DCAF6: variants seen among roughly 807,000 people sequenced by gnomAD.
DCAF6 encodes the protein DDB1- and CUL4-associated factor 6.
A neutral mutation model predicts 125.1 loss-of-function variants in DCAF6; 54 were observed. The observed-to-expected ratio is 0.43, with a 90% CI of 0.35 to 0.54. The LOEUF is 0.54. Among genes scored for constraint, DCAF6 ranks in the 20% least tolerant of loss-of-function variants. The pLI, the probability that DCAF6 is intolerant of heterozygous loss-of-function variation, is 0.01. For missense variants in DCAF6, 934 were observed against 1,161.7 expected (o/e 0.80, Z 2.85); for synonymous variants, 371 against 390.4 (o/e 0.95, Z 0.58).
chr1:167,936,485 A>G, upstream of DCAF6: 1 of 207,868 alleles, frequency 4.8e-6, no homozygotes, highest in Non-Finnish European at 9.8e-6. Flanking sequence ...ATCTGGTTAG[A>G]GTGGCCCGAA....
intron 12 of DCAF6, among the ~76,000 whole-genome samples, chr1:168,026,661 A>T (rs1471547727): frequency 6.6e-6 from 1 of 152,090 alleles, no homozygotes; most frequent in East Asian, 1.9e-4. Context: ...GCCAAGATAG[A>T]GACTTTAGGA....
intron 17 of DCAF6, chr1:168,056,475 AGGCGG>A: frequency 8.7e-7 from 1 of 1,148,206 alleles, no homozygotes; most frequent in Non-Finnish European, 1.1e-6. Flanking sequence ...CCGCGCCGGG[AGGCGG>A]GGCGGGGAGG....
At chr1:168,010,151 T>C (rs994431888) in intron 10 of DCAF6, among the ~76,000 whole-genome samples, 1 of 152,132 alleles carries the variant, frequency 6.6e-6, no homozygotes, top group South Asian at 2.1e-4. Context: ...TTTGGATCCA[T>C]TGTTTGCCTT....
the DCAF6 span, among the ~76,000 whole-genome samples, chr1:167,868,963 C>G: frequency 4.6e-5 from 7 of 152,142 alleles, no homozygotes; most frequent in African/African-American, 1.7e-4. Context: ...TGCTATCTAT[C>G]AAAATAGATT....
intron 3 of DCAF6, among the ~76,000 whole-genome samples, chr1:167,969,004 AATTAT>A (rs1052108447): frequency 7.2e-5 from 11 of 152,136 alleles, no homozygotes; most frequent in African/African-American, 2.4e-4. Context: ...AAAATTTTAA[AATTAT>A]ATTATGATTA....
the DCAF6 span, among the ~76,000 whole-genome samples, chr1:167,923,912 G>A: frequency 1.9e-4 from 29 of 152,236 alleles, no homozygotes; most frequent in African/African-American, 6.0e-4. Context: ...GACCCAAACT[G>A]GCCCTTTCAA....
chr1:168,010,301 T>A (rs983809466), intron 10 of DCAF6, among the ~76,000 whole-genome samples: 3 of 152,210 alleles, frequency 2.0e-5, no homozygotes, highest in Non-Finnish European at 2.9e-5. Flanking sequence ...TTCACTCATG[T>A]ATATATGGGT....
At chr1:168,063,366 C>T (rs184480556) in intron 17 of DCAF6, among the ~76,000 whole-genome samples, 27 of 152,070 alleles carry the variant, frequency 1.8e-4, no homozygotes, top group African/African-American at 5.5e-4. Context: ...ACCAGTTTGC[C>T]GCATGCTATT....
rs144297241 is a variant in DCAF6, at chr1:168,045,374, T to C, written c.2258+147T>C. On this transcript the variant is annotated intron_variant, in intron 16 of 21. Transcript: ENST00000367840. ...ATAAACTTAAAGAAACTTTACAGTTTACTGTAAATGATTTTACGTATTATA... is the reference window on the plus strand; with the variant it reads ...ATAAACTTAAAGAAACTTTACAGTTCACTGTAAATGATTTTACGTATTATA... 6 of 731,682 alleles carry C rather than the reference T, an allele frequency of 8.2e-6. No individual in the cohort carries two copies. In the Admixed American group the frequency reaches 1.8e-4, roughly 22 times the overall value. The allele number at this position is 731,682 out of a possible 1,614,324, so 45.3% of individuals were successfully genotyped here.
intron 12 of DCAF6, among the ~76,000 whole-genome samples, chr1:168,037,342 A>G (rs889149829): frequency 1.3e-5 from 2 of 152,158 alleles, no homozygotes; most frequent in African/African-American, 4.8e-5. Flanking sequence ...TTATTTTTCA[A>G]GAGAAGTTTA....
chr1:167,959,082 A>G (rs1243134412), intron 2 of DCAF6, among the ~76,000 whole-genome samples: 2 of 152,202 alleles, frequency 1.3e-5, no homozygotes, highest in Non-Finnish European at 2.9e-5. Flanking sequence ...ATCTTTTTAT[A>G]GTCTCCATAG....
chr1:167,938,104 A>T (rs888218293), intron 1 of DCAF6, among the ~76,000 whole-genome samples: 1 of 152,186 alleles, frequency 6.6e-6, no homozygotes, highest in Non-Finnish European at 1.5e-5. Context: ...TTTGTTTATA[A>T]AAACTCAATA....
At chr1:167,937,791 G>A (rs563300884) in intron 1 of DCAF6, among the ~76,000 whole-genome samples, 19 of 152,076 alleles carry the variant, frequency 1.2e-4, no homozygotes, top group Non-Finnish European at 2.5e-4. Flanking sequence ...CAACTAAAAA[G>A]TTTGGTTTCT....
rs1018767991 is a variant in DCAF6, at chr1:167,991,074, C to T, written c.553-130C>T. 13 of 700,442 alleles carry T rather than the reference C, an allele frequency of 1.9e-5. No individual in the cohort carries two copies. In the African/African-American group the frequency reaches 2.2e-4, roughly 12 times the overall value. The allele number at this position is 700,442 out of a possible 1,614,324, so 43.4% of individuals were successfully genotyped here. On this transcript the variant is annotated intron_variant, in intron 5 of 21. Coordinates refer to ENST00000367840, the MANE Select transcript of DCAF6 (RefSeq NM_001198956.2). ...AAGAAAGCCGTATTGTTTTTCCGCT[C>T]ATTGTCATTCTTGACTGAATTAGGA...
chr1:167,929,050 C>A, the DCAF6 span, among the ~76,000 whole-genome samples: 5 of 152,156 alleles, frequency 3.3e-5, no homozygotes, highest in East Asian at 7.7e-4. Flanking sequence ...AAACATTAAA[C>A]AAGTATTTAA....
chr1:168,033,062 C>G (rs537236359), intron 12 of DCAF6, among the ~76,000 whole-genome samples: 2 of 151,836 alleles, frequency 1.3e-5, no homozygotes, highest in East Asian at 3.9e-4. Flanking sequence ...CTTTGAGCAT[C>G]TTTTAGAACC....
At chr1:167,883,747 A>G in the DCAF6 span, 3 of 884,864 alleles carry the variant, frequency 3.4e-6, no homozygotes, top group African/African-American at 3.3e-5. Flanking sequence ...TGGGTGAGGT[A>G]CAACATGACA....
intron 21 of DCAF6, among the ~76,000 whole-genome samples, chr1:168,073,338 A>G (rs931987868): frequency 6.6e-6 from 1 of 152,202 alleles, no homozygotes; most frequent in Admixed American, 6.5e-5. Context: ...CTTCAGTAGC[A>G]TTTCATGAAC....
At chr1:167,875,717 G>A in the DCAF6 span, among the ~76,000 whole-genome samples, 19 of 152,186 alleles carry the variant, frequency 1.2e-4, no homozygotes, top group Non-Finnish European at 2.2e-4. Flanking sequence ...TTGGGAGGCC[G>A]AGGTGGGCAG....
Sources: gnomAD v4.1 joint callset for allele counts (sites outside exome capture counted in the v4.1 genomes callset) on GRCh38, gnomAD v4.1.1 for gene constraint, MANE v1.5 for transcripts, NCBI Gene and HGNC (gene_info 2026-07-23, HGNC 2026-07-21) for gene names.